CMSS1: variants seen among roughly 807,000 people sequenced by gnomAD.
The protein encoded by CMSS1 is cms1 ribosomal small subunit homolog, also known as protein CMSS1.
CMSS1 carries 33 observed loss-of-function variants against 43.5 expected under a neutral mutation model. The observed-to-expected ratio is 0.76, with a 90% CI of 0.57 to 1.01. The LOEUF (loss-of-function observed/expected upper bound fraction) is 1.01. Among genes scored for constraint, CMSS1 ranks in the 50% least tolerant of loss-of-function variants. The pLI is 0.00. For synonymous variants in CMSS1, 115 were observed against 117.2 expected, an observed-to-expected ratio of 0.98 and a Z score of 0.12; for missense variants, 313 against 326.4, an observed-to-expected ratio of 0.96 and a Z score of 0.32.
intron 1 of CMSS1, among the ~76,000 whole-genome samples, chr3:100,080,874 T>C (rs1346726522): frequency 6.6e-6 from 1 of 152,244 alleles, no homozygotes; most frequent in Non-Finnish European, 1.5e-5. Context: ...TTTCCTGCCA[T>C]GGTTACCAAA....
intron 1 of CMSS1, among the ~76,000 whole-genome samples, chr3:100,107,487 C>T (rs1269738165): frequency 3.3e-5 from 5 of 152,208 alleles, no homozygotes; most frequent in South Asian, 4.1e-4. Flanking sequence ...GCTTTCCTTC[C>T]GCACATTTGG....
chr3:100,045,113 AG>A (rs2065258692), intron 1 of CMSS1, among the ~76,000 whole-genome samples: 1 of 152,240 alleles, frequency 6.6e-6, no homozygotes, highest in Non-Finnish European at 1.5e-5. Context: ...GGCGCTCACA[AG>A]AGATGTAGGC....
intron 1 of CMSS1, among the ~76,000 whole-genome samples, chr3:100,026,404 A>T (rs1204630816): frequency 1.3e-5 from 2 of 152,024 alleles, no homozygotes; most frequent in South Asian, 4.2e-4. Context: ...AGCAAGGTCG[A>T]TAGTGAACCA....
intron 1 of CMSS1, among the ~76,000 whole-genome samples, chr3:99,971,814 T>TTGAA (rs911633511): frequency 2.0e-5 from 3 of 152,196 alleles, no homozygotes; most frequent in Non-Finnish European, 2.9e-5. Context: ...GGTTCCTAGC[T>TTGAA]TGAATGAATG....
chr3:100,062,841 G>C (rs906510951), intron 1 of CMSS1, among the ~76,000 whole-genome samples: 6 of 152,182 alleles, frequency 3.9e-5, no homozygotes, highest in Admixed American at 6.5e-5. Context: ...TTACTGTGAT[G>C]ACTAGTCCCC....
At position 100,016,226 on chromosome 3, in the gene CMSS1, CTTG is replaced by C. The variant is rs766143115; in HGVS notation, c.65-130743_65-130741del. Among the ~76,000 whole-genome samples, 7 of 152,126 alleles carry C rather than the reference CTTG, an allele frequency of 4.6e-5. No individual in the cohort carries two copies. In the East Asian group the frequency reaches 7.7e-4, roughly 17 times the overall value. On this transcript the variant is annotated intron_variant, in intron 1 of 9. Transcript: ENST00000421999. Reference sequence around the variant, plus strand: ...TTTGTTTTTGAGACGCAGTTTCACTCTTGTTGCCCAGGCTGGAGTGCAATGGTG... The same window carrying C: ...TTTGTTTTTGAGACGCAGTTTCACTCTTGCCCAGGCTGGAGTGCAATGGTG...
chr3:99,820,238 C>G (rs1942409280), intron 1 of CMSS1, among the ~76,000 whole-genome samples: 1 of 151,856 alleles, frequency 6.6e-6, no homozygotes, highest in Admixed American at 6.6e-5. Context: ...CTCTTGTCCC[C>G]CAGTCTGGAG....
intron 1 of CMSS1, among the ~76,000 whole-genome samples, chr3:99,818,650 A>T (rs1322027906): frequency 1.3e-5 from 2 of 152,222 alleles, no homozygotes; most frequent in Admixed American, 6.5e-5. Context: ...AACTGGAAGG[A>T]GGCTTAAATA....
chr3:99,886,563 T>TG (rs888721420), intron 1 of CMSS1, among the ~76,000 whole-genome samples: 165 of 152,068 alleles, frequency 1.1e-3, no homozygotes, highest in African/African-American at 3.5e-3. Flanking sequence ...GCCCAGATTT[T>TG]GGGGGGGTAG....
At chr3:99,946,720 C>T (rs1459715001) in intron 1 of CMSS1, among the ~76,000 whole-genome samples, 3 of 152,206 alleles carry the variant, frequency 2.0e-5, no homozygotes, top group Non-Finnish European at 2.9e-5. Context: ...GTGGTGGCTA[C>T]ATCTGGAGGC....
chr3:100,117,400 A>G (rs779479370), intron 1 of CMSS1, among the ~76,000 whole-genome samples: 31 of 152,128 alleles, frequency 2.0e-4, no homozygotes, highest in Non-Finnish European at 3.7e-4. Context: ...ATCTGCATTT[A>G]GTTTAGTCTG....
At chr3:99,913,238 G>A (rs948494141) in intron 1 of CMSS1, among the ~76,000 whole-genome samples, 4 of 152,102 alleles carry the variant, frequency 2.6e-5, no homozygotes, top group Non-Finnish European at 5.9e-5. Flanking sequence ...CAGCCCCAGC[G>A]GACTAAGGCA....
At chr3:99,894,970 C>T (rs566927835) in intron 1 of CMSS1, among the ~76,000 whole-genome samples, 23 of 152,254 alleles carry the variant, frequency 1.5e-4, no homozygotes, top group African/African-American at 4.8e-4. Flanking sequence ...AAATGTGTTC[C>T]AGGTTCCCAC....
intron 1 of CMSS1, among the ~76,000 whole-genome samples, chr3:99,858,774 C>CA (rs1559662979): frequency 6.6e-6 from 1 of 152,196 alleles, no homozygotes; most frequent in Non-Finnish European, 1.5e-5. Flanking sequence ...ATATCTTCTT[C>CA]ACTCTCAAAG....
At chr3:100,010,747 TGG>T (rs1204284316) in intron 1 of CMSS1, among the ~76,000 whole-genome samples, 1 of 149,574 alleles carries the variant, frequency 6.7e-6, no homozygotes, top group Non-Finnish European at 1.5e-5. Flanking sequence ...CCTGAGTAGC[TGG>T]GATTACAGGT....
intron 3 of CMSS1, among the ~76,000 whole-genome samples, chr3:100,161,095 A>G (rs1031953645): frequency 1.3e-5 from 2 of 152,124 alleles, no homozygotes; most frequent in Non-Finnish European, 1.5e-5. Flanking sequence ...GTTAGCTATG[A>G]CCTTCTCCCA....
At chr3:100,046,312 A>G (rs556480771) in intron 1 of CMSS1, among the ~76,000 whole-genome samples, 46 of 152,322 alleles carry the variant, frequency 3.0e-4, no homozygotes, top group African/African-American at 1.1e-3. Flanking sequence ...TGCCTCAGAC[A>G]TGTCTTAAAA....
chr3:99,825,837 G>T (rs1376784732), intron 1 of CMSS1, among the ~76,000 whole-genome samples: 1 of 148,758 alleles, frequency 6.7e-6, no homozygotes, highest in Non-Finnish European at 1.5e-5. Context: ...GAGTGCAGTG[G>T]CGCAATCTTG....
chr3:99,993,542 C>T (rs1709585997), intron 1 of CMSS1, among the ~76,000 whole-genome samples: 1 of 151,994 alleles, frequency 6.6e-6, no homozygotes, highest in African/African-American at 2.4e-5. Flanking sequence ...AGTGGGCATC[C>T]TTGTCTTGTT....
Sources: allele counts gnomAD v4.1 joint callset (sites outside exome capture counted in the v4.1 genomes callset), GRCh38; gene constraint gnomAD v4.1.1; transcripts MANE v1.5; gene names NCBI Gene and HGNC (gene_info 2026-07-23, HGNC 2026-07-21).